Variants in ZNF343 observed in about 807,000 individuals in gnomAD.
The protein encoded by ZNF343 is zinc finger protein 343.
In ZNF343, 11 loss-of-function variants were observed where a neutral mutation model predicts 13.8. That is an observed-to-expected ratio of 0.80 (90% CI 0.50 to 1.32). The LOEUF is 1.32. ZNF343 is among the 40% of genes most tolerant of loss of function. The pLI, the probability that ZNF343 is intolerant of heterozygous loss-of-function variation, is 0.00. For synonymous variants in ZNF343, 248 were observed against 260.0 expected (o/e 0.95, Z 0.44); for missense variants, 658 against 714.2 (o/e 0.92, Z 0.90).
chr20:2,504,558 T>C (rs1365627665), intron 1 of ZNF343, among the ~76,000 whole-genome samples: 4 of 152,126 alleles, frequency 2.6e-5, no homozygotes, highest in Non-Finnish European at 5.9e-5. Context: ...CTCAATAAAA[T>C]ATTGGCAAAC....
intron 1 of ZNF343, among the ~76,000 whole-genome samples, chr20:2,501,293 G>A (rs1320607186): frequency 2.0e-5 from 3 of 152,204 alleles, no homozygotes; most frequent in Admixed American, 2.0e-4. Flanking sequence ...GCTTGAGTAG[G>A]TAAACAAAGC....
chr20:2,487,321 C>T (rs2085296940), intron 5 of ZNF343, among the ~76,000 whole-genome samples: 2 of 152,190 alleles, frequency 1.3e-5, no homozygotes, highest in African/African-American at 4.8e-5. Flanking sequence ...CCATAGCCTT[C>T]CAGCCAAATC....
At position 2,492,840 on chromosome 20, in the gene ZNF343, T is replaced by C; in HGVS notation, c.178-15A>G. On this transcript the variant is annotated splice_polypyrimidine_tract_variant and intron_variant, in intron 4 of 5. Coordinates refer to ENST00000278772, the MANE Select transcript of ZNF343 (RefSeq NM_024325.6). ...GTAACTGGTACCTACAAACAACCAG[T>C]AAATTAATGTATAGCAAGCCACCAT... The C allele has an allele frequency of 3.1e-6, 5 of 1,611,656 alleles. No individual in the cohort carries two copies. The highest frequency in any genetic ancestry group is 4.2e-6 in the Non-Finnish European group (5 of 1,179,932).
intron 1 of ZNF343, among the ~76,000 whole-genome samples, chr20:2,501,781 G>T (rs1461669588): frequency 1.3e-5 from 2 of 152,154 alleles, no homozygotes; most frequent in Non-Finnish European, 2.9e-5. Context: ...CTAACAAACA[G>T]AAAGGACATC....
chr20:2,509,123 A>G (rs959515927), upstream of ZNF343: 2 of 152,162 alleles, frequency 1.3e-5, no homozygotes, highest in African/African-American at 4.8e-5. Context: ...TTCTGCAAAA[A>G]AAAGACTACA....
chr20:2,521,709 TTAG>T (rs2085783134), intron 1 of ZNF343, among the ~76,000 whole-genome samples: 1 of 152,210 alleles, frequency 6.6e-6, no homozygotes, highest in African/African-American at 2.4e-5. Flanking sequence ...AAGTAGGATC[TTAG>T]TCTCTAGCTT....
At chr20:2,500,507 A>G (rs1209373482) in intron 2 of ZNF343, 149 bp downstream of exon 2, 1 of 152,188 alleles carries the variant, frequency 6.6e-6, no homozygotes, top group Non-Finnish European at 1.5e-5. Context: ...TGCCCTTAAA[A>G]TCACCCCAGT....
At chr20:2,512,611 A>C (rs749545250), upstream of ZNF343, among the ~76,000 whole-genome samples, 4 of 152,192 alleles carry the variant, frequency 2.6e-5, no homozygotes, top group Non-Finnish European at 5.9e-5. Flanking sequence ...GGATAACCAC[A>C]AGTAAAAGAA....
chr20:2,514,237 A>T (rs2085750003), intron 1 of ZNF343, among the ~76,000 whole-genome samples: 1 of 152,350 alleles, frequency 6.6e-6, no homozygotes, highest in East Asian at 1.9e-4. Flanking sequence ...TAAATGTGAA[A>T]TTTCTTCTAT....
chr20:2,523,437 G>A (rs539816649), intron 1 of ZNF343, among the ~76,000 whole-genome samples: 14 of 151,212 alleles, frequency 9.3e-5, no homozygotes, highest in East Asian at 3.9e-4. Flanking sequence ...TTATGGACTC[G>A]CAGGGAATTC....
intron 2 of ZNF343, among the ~76,000 whole-genome samples, chr20:2,494,397 T>G (rs539921156): frequency 8.5e-5 from 13 of 152,272 alleles, no homozygotes; most frequent in African/African-American, 2.6e-4. Flanking sequence ...TCTGACTGTT[T>G]CCTGTAGACC....
At chr20:2,511,849 G>A (rs1216931347), upstream of ZNF343, among the ~76,000 whole-genome samples, 1 of 152,150 alleles carries the variant, frequency 6.6e-6, no homozygotes, top group South Asian at 2.1e-4. Context: ...TTCCCCTAAG[G>A]TCAGTGACAA....
In ZNF343 at chr20:2,496,615, AG is replaced by A. The variant is rs140154999; in HGVS notation, c.-149-2572del. Among the ~76,000 whole-genome samples, 737 of 152,340 alleles carry A rather than the reference AG, an allele frequency of 4.8e-3. 9 individuals are homozygous for A. Among genetic ancestry groups the A allele is most frequent in the African/African-American group, 0.017 (697 of 41,564 alleles). The stretch of plus-strand genomic sequence containing the variant: ...GGAGAGAAGCAAGGAAATCCTGTAA[AG>A]GCTGTTGAAATAATTCAGGTGGGAG... On this transcript the variant is annotated intron_variant, in intron 2 of 5. Coordinates refer to ENST00000278772, the MANE Select transcript of ZNF343 (RefSeq NM_024325.6).
intron 5 of ZNF343, among the ~76,000 whole-genome samples, chr20:2,490,309 G>C (rs778480689): frequency 6.6e-6 from 1 of 152,006 alleles, no homozygotes; most frequent in Non-Finnish European, 1.5e-5. Flanking sequence ...TGACTCCTAC[G>C]GACCCCTGCA....
chr20:2,492,941 A>T (rs41308639), intron 4 of ZNF343, 116 bp from the exon 5 acceptor site: 192,568 of 1,442,446 alleles, frequency 0.13, 13,449 homozygotes, highest in South Asian at 0.17. Context: ...ATTCGTCAGA[A>T]TATATGGTTC....
rs372061780 is a variant in ZNF343 at position 2,493,857 on chromosome 20, G to T, written c.39C>A (p.Tyr13Ter). Residue 13 changes from tyrosine to a stop codon, truncating the protein, a stop_gained, in exon 3 of 6, where the codon TAC becomes TAA. Transcript: ENST00000278772. LOFTEE classifies it high-confidence loss of function. ...TCTTTGGAAGCAAAATCTCTTCCCA[G>T]TATTGATCTCCCAGTGCTGAAGGAT... ...LPYPSALGDQ[Y>*]WEEILLPKNG... 12 of 1,613,956 alleles carry T rather than the reference G, an allele frequency of 7.4e-6. No individual in the cohort carries two copies. The East Asian group carries it at 2.7e-4, about 36-fold the overall frequency.
At chr20:2,524,726 AAGCCCGGACCCC>A (rs1223772973), upstream of ZNF343, 5 of 152,540 alleles carry the variant, frequency 3.3e-5, no homozygotes, top group East Asian at 5.8e-4. Context: ...GGACGACCCG[AAGCCCGGACCCC>A]AGCCCCGGCG....
chr20:2,503,172 G>C (rs370304749), intron 1 of ZNF343, among the ~76,000 whole-genome samples: 1 of 152,134 alleles, frequency 6.6e-6, no homozygotes, highest in East Asian at 1.9e-4. Flanking sequence ...CCTAGTCTCT[G>C]ATAAAACAGA....
rs1283061461 is a variant in ZNF343 at position 2,518,031 on chromosome 20, C to T, written c.-347+6424G>A. 1.9e-4 allele frequency among the ~76,000 whole-genome samples: 26 copies of T among 135,268 alleles called. No individual in the cohort carries two copies. Among genetic ancestry groups the T allele is most frequent in the Admixed American group, 1.1e-3 (14 of 13,178 alleles). 88.7% of individuals were successfully genotyped at this position (135,268 alleles called of 152,430 possible). Reference sequence around the variant, plus strand: ...TCCTTTTTTCTCTCTTTTTTTTTTTCGAGACAGAGTCTCACTCTGTTACCC... The same window carrying T: ...TCCTTTTTTCTCTCTTTTTTTTTTTTGAGACAGAGTCTCACTCTGTTACCC... On this transcript the variant is annotated intron_variant, in intron 1 of 6. Coordinates refer to the ZNF343 transcript ENST00000358413. This position sits in a 1 kb window ranked among gnomAD's most constrained non-coding sequence, Gnocchi z 4.6.
Sources: allele counts gnomAD v4.1 joint callset (sites outside exome capture counted in the v4.1 genomes callset), GRCh38; gene constraint gnomAD v4.1.1; non-coding constraint Gnocchi (gnomAD v3.1); transcripts MANE v1.5; gene names NCBI Gene and HGNC (gene_info 2026-07-23, HGNC 2026-07-21).